The following MYCBP2 variants were observed in gnomAD, a reference collection of about 807,000 sequenced individuals.
MYCBP2 encodes MYC binding protein 2.
MYCBP2 carries 120 observed loss-of-function variants against 525.3 expected under a neutral mutation model. That is an observed-to-expected ratio of 0.23 (90% CI 0.20 to 0.27). MYCBP2 has a LOEUF of 0.27. MYCBP2 is among the 10% of genes least tolerant of loss of function. MYCBP2 has a pLI of 1.00. For missense variants in MYCBP2, 4,149 were observed against 5,657.1 expected (o/e 0.73, Z 8.55); for synonymous variants, 1,894 against 1,955.8 (o/e 0.97, Z 0.83).
intron 4 of MYCBP2, among the ~76,000 whole-genome samples, chr13:77,274,629 T>C (rs2075299805): frequency 6.6e-6 from 1 of 152,122 alleles, no homozygotes; most frequent in Admixed American, 6.6e-5. Flanking sequence ...CCATAGCTAA[T>C]CCCAAATTAA....
At chr13:77,197,609 C>A (rs77914018) in intron 26 of MYCBP2, among the ~76,000 whole-genome samples, 237 of 152,048 alleles carry the variant, frequency 1.6e-3, no homozygotes, top group African/African-American at 5.4e-3. Context: ...AATGCATATA[C>A]GAATATGTGA....
intron 74 of MYCBP2, 38 bp downstream of exon 74, chr13:77,062,558 G>C (rs2039487672): frequency 6.5e-7 from 1 of 1,547,928 alleles, no homozygotes; most frequent in African/African-American, 1.4e-5. Context: ...TTACTGTAAA[G>C]GAAAGCAAGA....
chr13:77,176,937 T>A (rs916450993), intron 35 of MYCBP2, among the ~76,000 whole-genome samples: 1 of 152,112 alleles, frequency 6.6e-6, no homozygotes, highest in East Asian at 1.9e-4. Flanking sequence ...GGAATCAAGT[T>A]AGAGATAGAG....
Position 77,064,725 on chromosome 13 carries a change from A to C in MYCBP2, c.12562T>G (p.Ser4188Ala). Residue 4188 changes from serine to alanine, a missense_variant, in exon 73 of 83, where the codon TCA becomes GCA. Around this residue, in one of 21 missense-constraint regions of MYCBP2, gnomAD observed 148 missense variants for 179.4 expected, o/e 0.82. Coordinates refer to ENST00000544440, the MANE Select transcript of MYCBP2 (RefSeq NM_015057.5). The stretch of plus-strand genomic sequence containing the variant: ...TTTGTCACTCGGGACCAAGCTTCTG[A>C]CAGATGACCCTATTGAGCAGAACAG... Reference protein sequence around the residue: ...LIKDMAAGHLSEAWSRVTKNA... With the variant: ...LIKDMAAGHLAEAWSRVTKNA... 6.2e-7 allele frequency: 1 copy of C among 1,613,772 alleles called. No individual in the cohort carries two copies.
At chr13:77,324,413 C>G (rs909323089) in intron 1 of MYCBP2, among the ~76,000 whole-genome samples, 1 of 152,198 alleles carries the variant, frequency 6.6e-6, no homozygotes, top group Non-Finnish European at 1.5e-5. Context: ...ATAATTCTAT[C>G]ATTCATTCAG....
At chr13:77,144,713 G>A (rs1437875763) in intron 48 of MYCBP2, among the ~76,000 whole-genome samples, 153 bp from the exon 49 acceptor site, 1 of 152,142 alleles carries the variant, frequency 6.6e-6, no homozygotes, top group East Asian at 1.9e-4. Context: ...CAAAATGCTT[G>A]AATTTCACTT....
intron 51 of MYCBP2, 134 bp from the exon 52 acceptor site, chr13:77,139,470 G>T: frequency 1.1e-6 from 1 of 931,228 alleles, no homozygotes; most frequent in Non-Finnish European, 1.5e-6. Flanking sequence ...CAGAAAGTAA[G>T]TCTGAGAGAC....
chr13:77,121,116 T>G, intron 55 of MYCBP2: 1 of 231,546 alleles, frequency 4.3e-6, no homozygotes. Context: ...GAAATCAAAA[T>G]GAGTGTTTTT....
chr13:77,049,652 T>G (rs1187240465), intron 82 of MYCBP2, among the ~76,000 whole-genome samples: 1 of 152,070 alleles, frequency 6.6e-6, no homozygotes, highest in Non-Finnish European at 1.5e-5. Context: ...CAATTTGCTT[T>G]TTTTTTTTGA....
chr13:77,173,882 T>C (rs1412558117), intron 37 of MYCBP2, among the ~76,000 whole-genome samples: 1 of 152,214 alleles, frequency 6.6e-6, no homozygotes, highest in Non-Finnish European at 1.5e-5. Context: ...AGGGGGCAGG[T>C]CCAAGATTCA....
intron 69 of MYCBP2, 80 bp from the exon 70 acceptor site, chr13:77,068,911 G>T (rs1176874216): frequency 9.6e-6 from 13 of 1,351,100 alleles, no homozygotes; most frequent in East Asian, 2.3e-5. Context: ...GCAAACAAAA[G>T]AATAAGACAA....
chr13:77,269,779 A>G (rs192938795), intron 7 of MYCBP2, among the ~76,000 whole-genome samples: 35 of 152,346 alleles, frequency 2.3e-4, no homozygotes, highest in Admixed American at 1.9e-3. Context: ...CCAGTCATAC[A>G]GCTAGTAGGA....
At chr13:77,070,575 C>T in intron 69 of MYCBP2, 56 bp downstream of exon 69, 1 of 692,208 alleles carries the variant, frequency 1.4e-6, no homozygotes, top group Non-Finnish European at 2.1e-6. Flanking sequence ...AACAAACAAA[C>T]ACACACACAC....
rs143960871 is a variant in MYCBP2 at position 77,048,556 on chromosome 13, G to A, written c.13921+2441C>T. On this transcript the variant is annotated intron_variant, in intron 82 of 82. Transcript: ENST00000544440. ...ATTCCAGTTCTCTAAATGAATGGAT[G>A]AGTTAGAGGGATGTGTGAGGCTGGG... Among the ~76,000 whole-genome samples, 1,133 of 152,290 alleles carry A rather than the reference G, an allele frequency of 7.4e-3. 19 individuals are homozygous for A. Among genetic ancestry groups the A allele is most frequent in the African/African-American group, 0.025 (1,050 of 41,544 alleles).
intron 18 of MYCBP2, among the ~76,000 whole-genome samples, chr13:77,232,837 A>G (rs780767034): frequency 1.3e-5 from 2 of 152,362 alleles, no homozygotes; most frequent in African/African-American, 2.4e-5. Flanking sequence ...TAAAGAGCAA[A>G]TAATAAAGGA....
chr13:77,278,062 A>T (rs2075820449), intron 4 of MYCBP2, among the ~76,000 whole-genome samples: 1 of 152,236 alleles, frequency 6.6e-6, no homozygotes. Flanking sequence ...TATTTACTTA[A>T]TGAAAGTTGC....
At chr13:77,144,676 C>T (rs1278123589) in intron 48 of MYCBP2, 116 bp from the exon 49 acceptor site, 1 of 733,148 alleles carries the variant, frequency 1.4e-6, no homozygotes, top group Non-Finnish European at 2.4e-6. Context: ...ATCCTACCAC[C>T]CTGCCATAGT....
intron 15 of MYCBP2, among the ~76,000 whole-genome samples, chr13:77,245,873 TACAC>T (rs201455771): frequency 1.3e-5 from 2 of 150,840 alleles, no homozygotes; most frequent in African/African-American, 2.4e-5. Context: ...CACATATATA[TACAC>T]ACACACAAAC....
Position 77,061,193 on chromosome 13 carries a change from T to C in MYCBP2, c.13012A>G (p.Met4338Val), listed in dbSNP as rs2039234278. The C allele has an allele frequency of 1.2e-6, 2 of 1,608,490 alleles. No individual in the cohort carries two copies. Among genetic ancestry groups the C allele is most frequent in the Non-Finnish European group, 8.5e-7 (1 of 1,177,662 alleles). The change falls in exon 76 of 83, where the codon ATG (methionine) becomes GTG (valine). Residue 4338 changes from methionine to valine, a missense_variant. Met to Val is a conservative substitution (Grantham distance 21). Transcript: ENST00000544440. ...CCTGTGTGTTCTCGGAATTCCACCATTGCCTTCATTGTTTTAGAATCTGCC... is the reference window on the plus strand; with the variant it reads ...CCTGTGTGTTCTCGGAATTCCACCACTGCCTTCATTGTTTTAGAATCTGCC... ...ALADSKTMKAMVEFREHTGKP... is the reference protein window; with the variant it reads ...ALADSKTMKAVVEFREHTGKP...
Sources: gnomAD v4.1 joint callset for allele counts (sites outside exome capture counted in the v4.1 genomes callset) on GRCh38, gnomAD v4.1.1 for gene constraint, gnomAD v4.1.1 regional missense constraint, MANE v1.5 for transcripts, NCBI Gene and HGNC (gene_info 2026-07-23, HGNC 2026-07-21) for gene names.